The following SAR1A variants were observed in gnomAD, a reference collection of about 807,000 sequenced individuals.
SAR1A encodes the protein secretion associated Ras related GTPase 1A.
SAR1A carries 6 observed loss-of-function variants against 22.6 expected under a neutral mutation model. The observed-to-expected ratio is 0.27, with a 90% confidence interval of 0.15 to 0.52. The LOEUF (loss-of-function observed/expected upper bound fraction) is 0.52, where lower values mean the gene tolerates loss of function less well. Ranked by LOEUF, SAR1A falls within the 20% of genes least tolerant of loss-of-function variation. The pLI, the probability that SAR1A is intolerant of heterozygous loss-of-function variation, is 0.96. For synonymous variants in SAR1A, 70 were observed against 82.2 expected, an observed-to-expected ratio of 0.85 and a Z score of 0.80; for missense variants, 145 against 245.1, an observed-to-expected ratio of 0.59 and a Z score of 2.73.
At chr10:70,161,107 A>G (rs1272503495) in intron 3 of SAR1A, 38 bp from the exon 4 acceptor site, 1 of 1,471,572 alleles carries the variant, frequency 6.8e-7, no homozygotes, top group African/African-American at 1.4e-5. Context: ...AAACTTGTCA[A>G]CTCAACAACC....
intron 1 of SAR1A, among the ~76,000 whole-genome samples, chr10:70,165,109 C>G (rs1839530155): frequency 1.3e-5 from 2 of 151,566 alleles, no homozygotes; most frequent in Non-Finnish European, 2.9e-5. Flanking sequence ...ACTAAAAATA[C>G]AAAAAATTAG....
intron 1 of SAR1A, among the ~76,000 whole-genome samples, chr10:70,169,267 G>GAA (rs777915855): frequency 3.6e-5 from 5 of 140,036 alleles, no homozygotes; most frequent in Non-Finnish European, 3.1e-5. Context: ...AATTGCTGGG[G>GAA]AAAAAAAAAA....
At chr10:70,163,186 C>A (rs929363178) in intron 1 of SAR1A, among the ~76,000 whole-genome samples, 47 of 152,208 alleles carry the variant, frequency 3.1e-4, no homozygotes, top group African/African-American at 9.4e-4. Flanking sequence ...AAAAGTGCTA[C>A]TCCAGCAAAC....
In SAR1A at chr10:70,159,410, T is replaced by C. The variant is rs546203661; in HGVS notation, c.245-1543A>G. ...ACTATACATTTTTTAAAAACTGTAT[T>C]AGGCTGGGCACAGTGGCTCACGCCC... is the stretch of plus-strand genomic sequence containing the variant. On this transcript the variant is annotated intron_variant, in intron 4 of 6. Coordinates refer to ENST00000373241, the MANE Select transcript of SAR1A (RefSeq NM_020150.5). 3.3e-5 allele frequency among the ~76,000 whole-genome samples: 5 copies of C among 152,334 alleles called. No individual in the cohort carries two copies. The South Asian group carries it at 8.3e-4, about 25-fold the overall frequency.
intron 1 of SAR1A, chr10:70,167,548 A>G (rs1839569332): frequency 6.6e-6 from 1 of 151,952 alleles, no homozygotes; most frequent in Non-Finnish European, 1.5e-5. Context: ...GGTTGCAGTG[A>G]GCGGAGATCG....
chr10:70,156,671 TAA>T (rs34673042), intron 5 of SAR1A, among the ~76,000 whole-genome samples: 4,736 of 135,934 alleles, frequency 0.035, 86 homozygotes, highest in East Asian at 0.062. Flanking sequence ...AGATTCTGTT[TAA>T]AAAAAAAAAA....
intron 1 of SAR1A, among the ~76,000 whole-genome samples, chr10:70,169,267 GA>G (rs777915855): frequency 4.9e-4 from 68 of 140,044 alleles, no homozygotes; most frequent in South Asian, 1.4e-3. Context: ...AATTGCTGGG[GA>G]AAAAAAAAAA....
In SAR1A at chr10:70,149,556, T is replaced by TTTTTTTTG. The variant is rs1839303166; in HGVS notation, c.*2919_*2920insCAAAAAAA. On this transcript the variant is annotated 3_prime_UTR_variant, in exon 7 of 7. Transcript: ENST00000373241. ...ATGTAGCATTTAATTGATTTTTTTT[T>TTTTTTTTG]TTTTTTTTTTTTTGAGCTAGAGAGA... The TTTTTTTTG allele has an allele frequency of 8.0e-6, 1 of 125,388 alleles. No homozygotes were observed. Among genetic ancestry groups the TTTTTTTTG allele is most frequent in the Non-Finnish European group, 1.7e-5 (1 of 59,544 alleles). The allele number at this position is 125,388 out of a possible 1,614,324, so 7.8% of individuals were successfully genotyped here. A position where few individuals can be genotyped will look rare whatever the true frequency, so the allele number is the denominator to read the frequency against.
rs1839313658 is a variant in SAR1A at position 70,150,545 on chromosome 10, A to C, written c.*1931T>G. Reference sequence around the variant, plus strand: ...ATTTCTAGCTTGCAACAAAGTGACAAGGGACAAATAGGGGAAAAAAAAAAT... The same window carrying C: ...ATTTCTAGCTTGCAACAAAGTGACACGGGACAAATAGGGGAAAAAAAAAAT... On this transcript the variant is annotated 3_prime_UTR_variant, in exon 7 of 7. Transcript: ENST00000373241. 6.6e-6 allele frequency: 1 copy of C among 152,206 alleles called. No homozygotes were observed. The highest frequency in any genetic ancestry group is 2.4e-5 in the African/African-American group (1 of 41,456). The allele number at this position is 152,206 out of a possible 1,614,324, so 9.4% of individuals were successfully genotyped here. A position where few individuals can be genotyped will look rare whatever the true frequency, so the allele number is the denominator to read the frequency against.
chr10:70,157,791 G>A lies in SAR1A; in HGVS notation c.321C>T (p.Arg107=). 2 of 1,613,498 alleles carry A rather than the reference G, an allele frequency of 1.2e-6. No individual in the cohort carries two copies. The change falls in exon 5 of 7, where the codon CGC becomes CGT. Residue 107 remains arginine (R), a synonymous_variant. Coordinates refer to ENST00000373241, the MANE Select transcript of SAR1A (RefSeq NM_020150.5). Reference sequence around the variant, plus strand: ...TAAGCTCAACTTTGGATTCCACGAGGCGAGAATGATCTGCACAGTCCACCA... The same window carrying A: ...TAAGCTCAACTTTGGATTCCACGAGACGAGAATGATCTGCACAGTCCACCA... ...VFLVDCADHS[R]LVESKVELNA...
intron 1 of SAR1A, among the ~76,000 whole-genome samples, chr10:70,168,170 A>G (rs1229297449): frequency 6.6e-6 from 1 of 152,242 alleles, no homozygotes; most frequent in Admixed American, 6.5e-5. Flanking sequence ...GCTGCTGCTG[A>G]TTTGTATGCT....
At position 70,149,625 on chromosome 10, in the gene SAR1A, G is replaced by A. The variant is rs987192982; in HGVS notation, c.*2851C>T. 5 of 130,934 alleles carry A rather than the reference G, an allele frequency of 3.8e-5. No individual in the cohort carries two copies. The highest frequency in any genetic ancestry group is 5.8e-5 in the African/African-American group (2 of 34,308). The allele number at this position is 130,934 out of a possible 1,614,324, so 8.1% of individuals were successfully genotyped here. A position where few individuals can be genotyped will look rare whatever the true frequency, so the allele number is the denominator to read the frequency against. On this transcript the variant is annotated 3_prime_UTR_variant, in exon 7 of 7. Transcript: ENST00000373241. The stretch of plus-strand genomic sequence containing the variant: ...GGCAGGAGTACAGTGGCATGATCTC[G>A]GCTCACTTCAATCTCCACCTCCTAG...
At chr10:70,157,691 T>A in intron 5 of SAR1A, 73 bp downstream of exon 5, 1 of 1,086,078 alleles carries the variant, frequency 9.2e-7, no homozygotes. Flanking sequence ...CTGAGCTATA[T>A]TCCTTAAAAA....
Position 70,161,923 on chromosome 10 carries a change from G to A in SAR1A, c.-8C>T. 6.2e-7 allele frequency: 1 copy of A among 1,604,798 alleles called. No individual in the cohort carries two copies. The highest frequency in any genetic ancestry group is 2.2e-5 in the East Asian group (1 of 44,818). ...CTCAAAGATGAAAGACATTATTAAT[G>A]CTTACTACCTGTATAAAATATGAAA... On this transcript the variant is annotated 5_prime_UTR_variant, in exon 2 of 7. Coordinates refer to ENST00000373241, the MANE Select transcript of SAR1A (RefSeq NM_020150.5).
At chr10:70,160,931 T>C in intron 4 of SAR1A, 73 bp downstream of exon 4, 10 of 941,744 alleles carry the variant, frequency 1.1e-5, no homozygotes, top group Non-Finnish European at 1.6e-5. Context: ...AATGACACAC[T>C]GCTTTTAAAA....
intron 1 of SAR1A, among the ~76,000 whole-genome samples, chr10:70,163,387 C>A (rs887795422): frequency 6.6e-6 from 1 of 152,198 alleles, no homozygotes; most frequent in African/African-American, 2.4e-5. Context: ...CCATCTAGGA[C>A]TTTCATAGCT....
At chr10:70,162,421 G>GGAAAA in intron 1 of SAR1A, among the ~76,000 whole-genome samples, 1 of 115,584 alleles carries the variant, frequency 8.7e-6, no homozygotes. Context: ...GAAAGGGAAA[G>GGAAAA]GGAAAGGAAA....
At chr10:70,157,539 T>C (rs1020399086) in intron 5 of SAR1A, 18 of 492,608 alleles carry the variant, frequency 3.7e-5, no homozygotes, top group Middle Eastern at 5.3e-4. Flanking sequence ...CACTGTATGA[T>C]AGAAACAACA....
intron 1 of SAR1A, chr10:70,164,096 C>T (rs1839513214): frequency 1.3e-6 from 1 of 754,440 alleles, no homozygotes; most frequent in South Asian, 1.4e-5. Flanking sequence ...GTCAAGTAAA[C>T]TATGAGTTTG....
Sources: allele counts gnomAD v4.1 joint callset (sites outside exome capture counted in the v4.1 genomes callset), GRCh38; gene constraint gnomAD v4.1.1; transcripts MANE v1.5; gene names NCBI Gene and HGNC (gene_info 2026-07-23, HGNC 2026-07-21).